Variants in MBTPS2 observed in about 807,000 individuals in gnomAD.
MBTPS2 encodes membrane-bound transcription factor site-2 protease.
Under a neutral mutation model 35.4 loss-of-function variants are expected in MBTPS2, and 2 were observed. The observed-to-expected ratio is 0.06, with a 90% CI of 0.02 to 0.18. The LOEUF is 0.18. MBTPS2 is among the 10% of genes least tolerant of loss of function. The pLI, the probability that MBTPS2 is intolerant of heterozygous loss-of-function variation, is 1.00. For synonymous variants in MBTPS2, 125 were observed against 140.4 expected (o/e 0.89, Z 0.77); for missense variants, 244 against 386.5 (o/e 0.63, Z 3.09).
At chrX:21,851,683 A>G (rs2092914894) in intron 4 of MBTPS2, 71 bp downstream of exon 4, 1 of 692,506 alleles carries the variant, frequency 1.4e-6, no homozygotes, top group East Asian at 3.2e-5. Context: ...ATTTATTACT[A>G]AAATCTGCTA....
intron 1 of MBTPS2, among the ~76,000 whole-genome samples, 174 bp from the exon 2 acceptor site, chrX:21,842,996 C>T (rs544752325): frequency 8.0e-5 from 9 of 112,574 alleles, no homozygotes; most frequent in Admixed American, 5.6e-4. Flanking sequence ...CTCAGTAGAC[C>T]GGTTAGGTCT....
intron 9 of MBTPS2, among the ~76,000 whole-genome samples, chrX:21,879,045 G>C (rs1049666655): frequency 1.8e-5 from 2 of 110,857 alleles, no homozygotes; most frequent in African/African-American, 6.6e-5. Flanking sequence ...CCTAGAGAAT[G>C]CCAGGATGCA....
intron 9 of MBTPS2, 42 bp downstream of exon 9, chrX:21,878,734 C>T: frequency 2.2e-6 from 2 of 892,999 alleles, no homozygotes; most frequent in Non-Finnish European, 3.3e-6. Flanking sequence ...TCATTAAGAT[C>T]ACATATAGTC....
Position 21,845,284 on chromosome X carries a change from A to C in MBTPS2, c.338A>C (p.Tyr113Ser), listed in dbSNP as rs7059508. The C allele has an allele frequency of 2.2e-5, 26 of 1,203,549 alleles. No homozygotes were observed. In the South Asian group the frequency reaches 3.0e-4, roughly 14 times the overall value. The change falls in exon 3 of 11, where the codon TAT becomes TCT. Residue 113 changes from tyrosine to serine, a missense_variant. By Grantham distance (144) the Tyr-to-Ser change is moderately radical. Coordinates refer to ENST00000379484, the MANE Select transcript of MBTPS2 (RefSeq NM_015884.4). ...ATGATGGCTGACTCTCCCTCTTCTT[A>C]TTCTTCCTCCTCTTCTTCCTCTTCC... ...AQMMADSPSS[Y>S]SSSSSSSSSS...
At position 21,883,505 on chromosome X, in the gene MBTPS2, C is replaced by A; in HGVS notation, c.*850C>A. 1.3e-6 allele frequency: 1 copy of A among 753,844 alleles called. No individual in the cohort carries two copies. The allele number at this position is 753,844 out of a possible 1,213,427, so 62.1% of individuals were successfully genotyped here. On this transcript the variant is annotated 3_prime_UTR_variant, in exon 11 of 11. Transcript: ENST00000379484. ...CAGAGGATCTTCAGCAGTCCTACTT[C>A]CCATTCTCTATAGAGCTTTGAAGCT...
rs1029662707 is a variant in MBTPS2, at chrX:21,884,006, G to C, written c.*1351G>C. 2.1e-5 allele frequency: 16 copies of C among 751,515 alleles called. No individual in the cohort carries two copies. The highest frequency in any genetic ancestry group is 2.4e-5 in the Non-Finnish European group (15 of 638,210). 61.9% of individuals were successfully genotyped at this position (751,515 alleles called of 1,213,427 possible). On this transcript the variant is annotated 3_prime_UTR_variant, in exon 11 of 11. Coordinates refer to ENST00000379484, the MANE Select transcript of MBTPS2 (RefSeq NM_015884.4). ...GACTAAGGGCAATAACTCATTAATAGCCATCTATCCAACTTCTTTACTGAG... is the reference window on the plus strand; with the variant it reads ...GACTAAGGGCAATAACTCATTAATACCCATCTATCCAACTTCTTTACTGAG...
At chrX:21,874,623 A>G (rs1362098023) in intron 7 of MBTPS2, among the ~76,000 whole-genome samples, 1 of 111,590 alleles carries the variant, frequency 9.0e-6, no homozygotes, top group African/African-American at 3.3e-5. Context: ...CTTCGGGCTC[A>G]TCTTAGGGTA....
chrX:21,879,949 C>CTTTTTTT (rs60769329), intron 9 of MBTPS2, among the ~76,000 whole-genome samples: 2 of 47,421 alleles, frequency 4.2e-5, no homozygotes, highest in Non-Finnish European at 6.7e-5. Context: ...TTATGTTATT[C>CTTTTTTT]TTTTTTTTTT....
At chrX:21,877,925 T>C in intron 7 of MBTPS2, 117 bp from the exon 8 acceptor site, 2 of 516,605 alleles carry the variant, frequency 3.9e-6, no homozygotes, top group Non-Finnish European at 3.5e-6. Flanking sequence ...CTCTGAATTA[T>C]ACAGTTGCTT....
intron 5 of MBTPS2, among the ~76,000 whole-genome samples, chrX:21,859,958 G>T (rs2092929201): frequency 9.1e-6 from 1 of 110,304 alleles, no homozygotes; most frequent in Non-Finnish European, 1.9e-5. Context: ...CTGAGTGTGG[G>T]GCGCACACCT....
chrX:21,859,229 C>T (rs1394917482), intron 5 of MBTPS2, among the ~76,000 whole-genome samples: 14 of 109,389 alleles, frequency 1.3e-4, no homozygotes, highest in Non-Finnish European at 2.7e-4. Flanking sequence ...TAGGAATATG[C>T]TTAATAAGTC....
intron 4 of MBTPS2, among the ~76,000 whole-genome samples, chrX:21,853,082 G>A (rs2092916568): frequency 9.0e-6 from 1 of 110,897 alleles, no homozygotes; most frequent in Non-Finnish European, 1.9e-5. Flanking sequence ...CTGTATATAT[G>A]TGACTAACTT....
chrX:21,880,301 G>A (rs2092957981), intron 9 of MBTPS2, among the ~76,000 whole-genome samples: 1 of 110,806 alleles, frequency 9.0e-6, no homozygotes, highest in Admixed American at 9.6e-5. Flanking sequence ...GTCATATCCT[G>A]AGATACAACC....
chrX:21,867,860 T>G (rs185487984), intron 5 of MBTPS2, among the ~76,000 whole-genome samples: 3 of 108,543 alleles, frequency 2.8e-5, no homozygotes, highest in African/African-American at 1.0e-4. Flanking sequence ...AAGCTGGTGT[T>G]GATCTCCTGA....
chrX:21,864,689 G>T (rs780997755), intron 5 of MBTPS2, among the ~76,000 whole-genome samples: 192 of 109,693 alleles, frequency 1.8e-3, no homozygotes, highest in Non-Finnish European at 2.9e-3. Flanking sequence ...TGAGCATGGT[G>T]GTGCATGCCT....
At chrX:21,864,013 A>T (rs748065111) in intron 5 of MBTPS2, among the ~76,000 whole-genome samples, 63 of 112,418 alleles carry the variant, frequency 5.6e-4, no homozygotes, top group African/African-American at 1.9e-3. Flanking sequence ...GTAGCCATCA[A>T]AGTGGAAGAC....
rs5951639 is a variant in MBTPS2 at position 21,843,291 on chromosome X, G to A, written c.197G>A (p.Arg66Gln). Residue 66 changes from arginine to glutamine, a missense_variant, in exon 2 of 11, where the codon CGG (arginine) becomes CAG (glutamine). By Grantham distance (43) the Arg-to-Gln change is conservative (BLOSUM62 1). Transcript: ENST00000379484. ...VFNRAFYSWG[R>Q]RKARMLYQWF... ...AATCGTGCCTTTTACAGTTGGGGAC[G>A]GCGGAAAGCAAGGATGCTTTACCAA... 2.8e-5 allele frequency: 34 copies of A among 1,211,534 alleles called. No homozygotes were observed. The highest frequency in any genetic ancestry group is 4.6e-4 in the Middle Eastern group (2 of 4,354).
intron 3 of MBTPS2, among the ~76,000 whole-genome samples, chrX:21,850,892 G>A (rs1229985954): frequency 2.7e-5 from 3 of 111,138 alleles, no homozygotes. Context: ...CTATTTTTCT[G>A]ACCAACATAG....
At chrX:21,846,457 G>A (rs2001013) in intron 3 of MBTPS2, among the ~76,000 whole-genome samples, 25,168 of 111,242 alleles carry the variant, frequency 0.23, 2,190 homozygotes, top group Non-Finnish European at 0.25. Context: ...CACAACCTCC[G>A]CCTCGCGGGT....
Sources: gnomAD v4.1 joint callset for allele counts (sites outside exome capture counted in the v4.1 genomes callset) on GRCh38, gnomAD v4.1.1 for gene constraint, MANE v1.5 for transcripts, NCBI Gene and HGNC (gene_info 2026-07-23, HGNC 2026-07-21) for gene names.